The following FAM3D variants were observed in gnomAD, a reference collection of about 807,000 sequenced individuals.
The protein encoded by FAM3D is protein FAM3D.
In FAM3D, 26 loss-of-function variants were observed where a neutral mutation model predicts 29.8. That is an observed-to-expected ratio of 0.87 (90% CI 0.64 to 1.21). The LOEUF (loss-of-function observed/expected upper bound fraction) is 1.21, where lower values mean the gene tolerates loss of function less well. FAM3D is among the 50% of genes most tolerant of loss of function. The pLI, the probability that FAM3D is intolerant of heterozygous loss-of-function variation, is 0.00. For missense variants in FAM3D, 253 were observed against 290.9 expected, an observed-to-expected ratio of 0.87 and a Z score of 0.95; for synonymous variants, 115 against 102.3, an observed-to-expected ratio of 1.12 and a Z score of -0.75.
intron 9 of FAM3D, 129 bp downstream of exon 9, chr3:58,636,165 G>T: frequency 7.0e-7 from 1 of 1,419,272 alleles, no homozygotes; most frequent in Non-Finnish European, 9.4e-7. Context: ...GTGAATGACA[G>T]CCAGGGGCCT....
intron 1 of FAM3D, among the ~76,000 whole-genome samples, chr3:58,660,494 G>A (rs950490560): frequency 2.6e-5 from 4 of 152,180 alleles, no homozygotes; most frequent in Non-Finnish European, 5.9e-5. Flanking sequence ...CAATACAGAC[G>A]GGGAGATAAA....
rs2066108677 is a variant in FAM3D, at chr3:58,634,591, G to GT, written c.586-224dup. On this transcript the variant is annotated intron_variant, in intron 9 of 9. Transcript: ENST00000358781. The surrounding 1 kb of genome is among the most constrained non-coding windows in gnomAD (Gnocchi z 4.6). ...GCTCTCACGCCCTGAAGGGTAACCA[G>GT]TTGTTGGAGAGATCTGGCCCCTCCC... is the stretch of plus-strand genomic sequence containing the variant. Among the ~76,000 whole-genome samples, 1 of 152,204 alleles carries GT rather than the reference G, an allele frequency of 6.6e-6. No homozygotes were observed. Among genetic ancestry groups the GT allele is most frequent in the Non-Finnish European group, 1.5e-5 (1 of 68,036 alleles).
chr3:58,665,986 A>G (rs761961586), intron 1 of FAM3D, among the ~76,000 whole-genome samples: 2 of 152,240 alleles, frequency 1.3e-5, no homozygotes, highest in Non-Finnish European at 2.9e-5. Flanking sequence ...GCTCAATATT[A>G]CATAGCTAGA....
intron 4 of FAM3D, among the ~76,000 whole-genome samples, chr3:58,646,098 C>A (rs1285952792): frequency 3.9e-5 from 6 of 152,200 alleles, no homozygotes; most frequent in Non-Finnish European, 4.4e-5. Flanking sequence ...CTCATCTTAT[C>A]TGCAAAATGG....
intron 4 of FAM3D, among the ~76,000 whole-genome samples, chr3:58,648,942 G>C (rs1219552368): frequency 6.6e-6 from 1 of 152,234 alleles, no homozygotes; most frequent in Non-Finnish European, 1.5e-5. Flanking sequence ...CAAGCCTGGG[G>C]TCACTGCAAT....
At chr3:58,647,721 C>T (rs1454536810) in intron 4 of FAM3D, among the ~76,000 whole-genome samples, 1 of 152,206 alleles carries the variant, frequency 6.6e-6, no homozygotes, top group Non-Finnish European at 1.5e-5. Flanking sequence ...TCTCTGGGTT[C>T]TGGCATAGAA....
intron 3 of FAM3D, among the ~76,000 whole-genome samples, chr3:58,651,569 A>G (rs1302225091): frequency 6.6e-6 from 1 of 152,232 alleles, no homozygotes; most frequent in East Asian, 1.9e-4. Context: ...CCTGGGGCCA[A>G]ACACAGAGTT....
At chr3:58,640,233 G>C (rs1219710660) in intron 6 of FAM3D, 56 bp from the exon 7 acceptor site, 2 of 1,585,692 alleles carry the variant, frequency 1.3e-6, no homozygotes, top group Admixed American at 1.7e-5. Flanking sequence ...TCTGCCTGTC[G>C]TTCTGCTGAA....
At position 58,645,536 on chromosome 3, in the gene FAM3D, C is replaced by T; in HGVS notation, c.236G>A (p.Gly79Asp). ...GCGGTCTTCAAAGCACATAGTAGGGCCCACGACGTTGGCGGCCCCACTGCA... is the reference window on the plus strand; with the variant it reads ...GCGGTCTTCAAAGCACATAGTAGGGTCCACGACGTTGGCGGCCCCACTGCA... Reference protein sequence around the residue: ...KICSGAANVVGPTMCFEDRMI... With the variant: ...KICSGAANVVDPTMCFEDRMI... The change falls in exon 5 of 10, where the codon GGC (glycine) becomes GAC (aspartate). Residue 79 changes from glycine (G) to aspartate (D), a missense_variant. By Grantham distance (94) the Gly-to-Asp change is moderately conservative. Transcript: ENST00000358781. 2 of 1,614,126 alleles carry T rather than the reference C, an allele frequency of 1.2e-6. No individual in the cohort carries two copies. Among genetic ancestry groups the T allele is most frequent in the East Asian group, 2.2e-5 (1 of 44,890 alleles).
At chr3:58,637,923 T>A (rs1417105373) in intron 7 of FAM3D, among the ~76,000 whole-genome samples, 1 of 141,640 alleles carries the variant, frequency 7.1e-6, no homozygotes, top group African/African-American at 2.7e-5. Context: ...TCTCTCTCGT[T>A]GCCCAGGCTG....
intron 4 of FAM3D, among the ~76,000 whole-genome samples, chr3:58,649,100 T>C (rs1344369632): frequency 1.3e-5 from 2 of 151,720 alleles, no homozygotes; most frequent in Non-Finnish European, 2.9e-5. Flanking sequence ...TCTGAATGAC[T>C]GAGAGGGGGG....
intron 6 of FAM3D, among the ~76,000 whole-genome samples, chr3:58,641,524 T>G (rs2066334783): frequency 1.3e-5 from 2 of 152,032 alleles, no homozygotes; most frequent in Non-Finnish European, 2.9e-5. Context: ...CCAGCTAATT[T>G]TTTTACTTTT....
Position 58,665,310 on chromosome 3 carries a change from T to G in FAM3D, c.-39+1266A>C, listed in dbSNP as rs540627642. 1.2e-3 allele frequency among the ~76,000 whole-genome samples: 182 copies of G among 152,108 alleles called. 9 individuals carry two copies. The South Asian group carries it at 0.037, about 31-fold the overall frequency. ...GCTACTACCCCTTTCCTGCTTGAGC[T>G]GCTCTGCCCTCCTCTTTCTTTCCTC... On this transcript the variant is annotated intron_variant, in intron 1 of 9. Transcript: ENST00000358781.
At chr3:58,650,670 T>G (rs2066610079) in intron 3 of FAM3D, among the ~76,000 whole-genome samples, 1 of 152,194 alleles carries the variant, frequency 6.6e-6, no homozygotes, top group Non-Finnish European at 1.5e-5. Context: ...GACCTCATGT[T>G]TTGTTGAAAC....
In FAM3D at chr3:58,634,427, C is replaced by A; in HGVS notation, c.586-59G>T. The A allele has an allele frequency of 6.9e-7, 1 of 1,453,542 alleles. No homozygotes were observed. The highest frequency in any genetic ancestry group is 9.6e-7 in the Non-Finnish European group (1 of 1,043,184). 90.0% of individuals were successfully genotyped at this position (1,453,542 alleles called of 1,614,324 possible). ...TGAGTGAGGCTGTTCAGAACTCATG[C>A]CCACATGGACACTGTGCTCTAAACC... On this transcript the variant is annotated intron_variant, in intron 9 of 9. Transcript: ENST00000358781. This position sits in a 1 kb window ranked among gnomAD's most constrained non-coding sequence, Gnocchi z 4.6.
chr3:58,663,649 G>C (rs1435730364), intron 1 of FAM3D, among the ~76,000 whole-genome samples: 1 of 152,110 alleles, frequency 6.6e-6, no homozygotes, highest in Non-Finnish European at 1.5e-5. Flanking sequence ...TAAAGAATCG[G>C]GCCAACTCTT....
intron 4 of FAM3D, among the ~76,000 whole-genome samples, chr3:58,646,381 C>T (rs2066480916): frequency 6.6e-6 from 1 of 152,178 alleles, no homozygotes; most frequent in African/African-American, 2.4e-5. Context: ...TGCATCTTCT[C>T]CATGCAGCCT....
rs2106893012 is a variant in FAM3D at position 58,653,696 on chromosome 3, G to T, written c.99C>A (p.Thr33=). Residue 33 remains threonine, a synonymous_variant, in exon 3 of 10, where the codon ACC becomes ACA. Transcript: ENST00000358781. ...IRSYMSFSMK[T]IRLPRWLAAS... is the part of the protein sequence containing the mutation. ...CACCCAGCCAGCGTGGCAGACGGAT[G>T]GTTTTCATGCTGAAGCTCATGTAGC... The T allele has an allele frequency of 6.2e-7, 1 of 1,613,946 alleles. No homozygotes were observed. Among genetic ancestry groups the T allele is most frequent in the East Asian group, 2.2e-5 (1 of 44,886 alleles).
intron 1 of FAM3D, among the ~76,000 whole-genome samples, chr3:58,662,931 T>C (rs2066959803): frequency 6.6e-6 from 1 of 152,238 alleles, no homozygotes; most frequent in Non-Finnish European, 1.5e-5. Flanking sequence ...AATGGAATCT[T>C]GCTCTGTTGC....
Sources: allele counts gnomAD v4.1 joint callset (sites outside exome capture counted in the v4.1 genomes callset), GRCh38; gene constraint gnomAD v4.1.1; non-coding constraint Gnocchi (gnomAD v3.1); transcripts MANE v1.5; gene names NCBI Gene and HGNC (gene_info 2026-07-23, HGNC 2026-07-21).